Variants in PLS1 observed in about 807,000 individuals in gnomAD.
PLS1 encodes plastin-1.
PLS1 carries 32 observed loss-of-function variants against 73.7 expected under a neutral mutation model. That is an observed-to-expected ratio of 0.43 (90% CI 0.33 to 0.58). The LOEUF (loss-of-function observed/expected upper bound fraction) is 0.58, where lower values mean the gene tolerates loss of function less well. PLS1 is among the 20% of genes least tolerant of loss of function. The pLI is 0.04. For synonymous variants in PLS1, 217 were observed against 261.3 expected (o/e 0.83, Z 1.63); for missense variants, 633 against 740.5 (o/e 0.85, Z 1.68).
intron 1 of PLS1, among the ~76,000 whole-genome samples, chr3:142,610,562 G>T (rs1419800763): frequency 1.3e-5 from 2 of 152,054 alleles, no homozygotes; most frequent in Non-Finnish European, 2.9e-5. Context: ...GAATTTTCCT[G>T]TGTTTTTGTG....
intron 1 of PLS1, among the ~76,000 whole-genome samples, chr3:142,631,598 G>A (rs2036564469): frequency 7.0e-6 from 1 of 143,740 alleles, no homozygotes; most frequent in Non-Finnish European, 1.5e-5. Flanking sequence ...GAGGTCGAGG[G>A]TGCAGTGCGC....
chr3:142,646,185 T>C (rs1295314808), intron 1 of PLS1, among the ~76,000 whole-genome samples: 2 of 152,174 alleles, frequency 1.3e-5, no homozygotes, highest in African/African-American at 4.8e-5. Flanking sequence ...ATGTAGTACT[T>C]AGAACAGTGC....
chr3:142,654,643 G>A (rs1472244668), intron 1 of PLS1: 1 of 152,156 alleles, frequency 6.6e-6, no homozygotes, highest in African/African-American at 2.4e-5. Context: ...ATGAACCACT[G>A]CCCCTGGCCC....
At chr3:142,603,769 CA>C (rs5853074) in intron 1 of PLS1, among the ~76,000 whole-genome samples, 3,150 of 140,414 alleles carry the variant, frequency 0.022, 76 homozygotes, top group African/African-American at 0.057. Context: ...AACCCTGCCT[CA>C]AAAAAAAAAA....
At chr3:142,604,537 A>G (rs751446496) in intron 1 of PLS1, among the ~76,000 whole-genome samples, 46 of 152,192 alleles carry the variant, frequency 3.0e-4, no homozygotes, top group Admixed American at 2.2e-3. Flanking sequence ...CCAAAACCCA[A>G]TGTTTTTCAT....
At chr3:142,650,949 T>A (rs1489074329) in intron 1 of PLS1, among the ~76,000 whole-genome samples, 1 of 151,944 alleles carries the variant, frequency 6.6e-6, no homozygotes, top group Non-Finnish European at 1.5e-5. Context: ...AAAGTCTCTG[T>A]GGTTAATAGG....
At chr3:142,652,800 T>C (rs1012378728) in intron 1 of PLS1, among the ~76,000 whole-genome samples, 4 of 148,914 alleles carry the variant, frequency 2.7e-5, no homozygotes, top group African/African-American at 1.0e-4. Flanking sequence ...TGCTTGTTTG[T>C]TTTTGGCATG....
At chr3:142,631,050 T>A (rs937278930) in intron 1 of PLS1, among the ~76,000 whole-genome samples, 5 of 151,090 alleles carry the variant, frequency 3.3e-5, no homozygotes, top group African/African-American at 1.2e-4. Context: ...GTTCAACAGA[T>A]GGTGTTGGAA....
At chr3:142,637,664 A>G (rs2036723595) in intron 1 of PLS1, among the ~76,000 whole-genome samples, 1 of 152,188 alleles carries the variant, frequency 6.6e-6, no homozygotes, top group Non-Finnish European at 1.5e-5. Flanking sequence ...TGTTTTAAGA[A>G]AAAGCCTGTG....
At chr3:142,626,402 A>C (rs2036429441) in intron 1 of PLS1, among the ~76,000 whole-genome samples, 1 of 152,180 alleles carries the variant, frequency 6.6e-6, no homozygotes, top group Admixed American at 6.5e-5. Context: ...TTTGTACATT[A>C]TCATTTCATC....
intron 1 of PLS1, among the ~76,000 whole-genome samples, chr3:142,630,420 CAA>C (rs71153980): frequency 0.029 from 3,173 of 110,266 alleles, 102 homozygotes; most frequent in African/African-American, 0.095. Flanking sequence ...GACCCTGCCT[CAA>C]AAAAAAAAAA....
At chr3:142,631,202 T>C (rs13078890) in intron 1 of PLS1, among the ~76,000 whole-genome samples, 52,702 of 150,676 alleles carry the variant, frequency 0.35, 9,785 homozygotes, top group Middle Eastern at 0.45. Flanking sequence ...CATGGCAAAA[T>C]CCTGTCTCTA....
intron 1 of PLS1, among the ~76,000 whole-genome samples, chr3:142,611,209 G>A (rs937541343): frequency 3.9e-5 from 6 of 152,100 alleles, no homozygotes; most frequent in African/African-American, 1.2e-4. Flanking sequence ...TAGTTCACAG[G>A]TTATATGCAA....
At chr3:142,665,973 T>C (rs918630929) in intron 2 of PLS1, among the ~76,000 whole-genome samples, 1 of 152,102 alleles carries the variant, frequency 6.6e-6, no homozygotes, top group African/African-American at 2.4e-5. Flanking sequence ...ACTAGCAGAA[T>C]AGGTACTTGC....
chr3:142,689,425 A>AATAC lies in PLS1; in HGVS notation c.982-189_982-186dup, dbSNP rs1191010043. Among the ~76,000 whole-genome samples the AATAC allele has an allele frequency of 4.1e-4, 49 of 119,540 alleles. 1 individual carries two copies. The highest frequency in any genetic ancestry group is 9.0e-4 in the Admixed American group (11 of 12,202). The allele number at this position is 119,540 out of a possible 152,430, so 78.4% of individuals were successfully genotyped here. On this transcript the variant is annotated intron_variant, in intron 9 of 15. Transcript: ENST00000457734. ...GGAACAGAGCAAGACTCTGTCTCTAAATACATAAATAAATAAATAAATAAA... is the reference window on the plus strand; with the variant it reads ...GGAACAGAGCAAGACTCTGTCTCTAAATACATACATAAATAAATAAATAAATAAA...
At chr3:142,620,199 A>G (rs1168094103) in intron 1 of PLS1, among the ~76,000 whole-genome samples, 1 of 151,382 alleles carries the variant, frequency 6.6e-6, no homozygotes, top group Non-Finnish European at 1.5e-5. Flanking sequence ...ATCTCGGCTC[A>G]CTGCAATCTC....
chr3:142,657,037 G>C (rs971782094), intron 1 of PLS1: 1 of 152,200 alleles, frequency 6.6e-6, no homozygotes, highest in Non-Finnish European at 1.5e-5. Flanking sequence ...TCTTTCTCAG[G>C]CACCTGGAAT....
Position 142,712,815 on chromosome 3 carries a change from CCCA to C in PLS1, c.*810_*812del, listed in dbSNP as rs1479031109. On this transcript the variant is annotated 3_prime_UTR_variant, in exon 16 of 16. Coordinates refer to ENST00000457734, the MANE Select transcript of PLS1 (RefSeq NM_001145319.2). Reference sequence around the variant, plus strand: ...TTCAGCCAACCATCAGTATTTTCCCCCCACAACATGTGTAACACTTTTCAGTCT... The same window carrying C: ...TTCAGCCAACCATCAGTATTTTCCCCCAACATGTGTAACACTTTTCAGTCT... 2 of 152,494 alleles carry C rather than the reference CCCA, an allele frequency of 1.3e-5. No homozygotes were observed. Among genetic ancestry groups the C allele is most frequent in the Non-Finnish European group, 2.9e-5 (2 of 67,958 alleles). The allele number at this position is 152,494 out of a possible 1,614,324, so 9.4% of individuals were successfully genotyped here.
At chr3:142,697,855 TGTTCTTAA>T (rs2038242985) in intron 11 of PLS1, 90 bp from the exon 12 acceptor site, 2 of 645,934 alleles carry the variant, frequency 3.1e-6, no homozygotes, top group Non-Finnish European at 5.6e-6. Flanking sequence ...AAATGACTTA[TGTTCTTAA>T]AGATATAAGT....
Sources: gnomAD v4.1 joint callset for allele counts (sites outside exome capture counted in the v4.1 genomes callset) on GRCh38, gnomAD v4.1.1 for gene constraint, MANE v1.5 for transcripts, NCBI Gene and HGNC (gene_info 2026-07-23, HGNC 2026-07-21) for gene names.